Variants in FYN observed in about 807,000 individuals in gnomAD.
FYN encodes tyrosine-protein kinase Fyn.
FYN carries 10 observed loss-of-function variants against 70.2 expected under a neutral mutation model. The observed-to-expected ratio is 0.14, with a 90% CI of 0.09 to 0.24. The LOEUF is 0.24. Among genes scored for constraint, FYN ranks in the 10% least tolerant of loss-of-function variants. The probability of loss-of-function intolerance (pLI) is 1.00; values close to 1 mark genes in which losing one functional copy is unlikely to be tolerated. For missense variants in FYN, 319 were observed against 673.1 expected (o/e 0.47, Z 5.82); for synonymous variants, 236 against 248.6 (o/e 0.95, Z 0.48).
chr6:111,837,113 C>T (rs1583483122), intron 2 of FYN, among the ~76,000 whole-genome samples: 1 of 152,218 alleles, frequency 6.6e-6, no homozygotes. Flanking sequence ...TAGCACCTCA[C>T]TGCGGTCACC....
At chr6:111,723,959 G>T (rs1304039698) in intron 3 of FYN, among the ~76,000 whole-genome samples, 1 of 152,098 alleles carries the variant, frequency 6.6e-6, no homozygotes, top group Non-Finnish European at 1.5e-5. Flanking sequence ...AAGTTATCAT[G>T]CCTAGAAAAA....
chr6:111,682,390 T>A (rs1467132406), intron 12 of FYN, among the ~76,000 whole-genome samples: 1 of 152,182 alleles, frequency 6.6e-6, no homozygotes, highest in African/African-American at 2.4e-5. Flanking sequence ...CACATTCCAG[T>A]TAATGAAGTC....
At chr6:111,823,826 C>T (rs2114378840) in intron 2 of FYN, among the ~76,000 whole-genome samples, 1 of 152,242 alleles carries the variant, frequency 6.6e-6, no homozygotes, top group South Asian at 2.1e-4. Flanking sequence ...AACATTCTCA[C>T]AGAATATATA....
intron 2 of FYN, among the ~76,000 whole-genome samples, chr6:111,827,370 C>T (rs867565956): frequency 3.6e-4 from 55 of 152,158 alleles, no homozygotes; most frequent in African/African-American, 1.1e-3. Context: ...CATAGTTTTT[C>T]TCATCCTTAA....
chr6:111,714,291 A>G lies in FYN; in HGVS notation c.344+56T>C. ...CTGAAGAGATGCAGACCAGAAATGC[A>G]AGACCCCTTCCCAACCTGAAAGGTA... On this transcript the variant is annotated intron_variant, in intron 5 of 13. Transcript: ENST00000354650. The G allele has an allele frequency of 2.6e-6, 3 of 1,153,322 alleles. No individual in the cohort carries two copies. In the South Asian group the frequency reaches 3.7e-5, roughly 14 times the overall value. The allele number at this position is 1,153,322 out of a possible 1,614,324, so 71.4% of individuals were successfully genotyped here. A position where few individuals can be genotyped will look rare whatever the true frequency, so the allele number is the denominator to read the frequency against.
chr6:111,699,913 C>CTTTTTTT (rs71021861), intron 9 of FYN, 191 bp downstream of exon 9: 14 of 186,562 alleles, frequency 7.5e-5, no homozygotes, highest in East Asian at 1.3e-4. Flanking sequence ...CACTTACTAT[C>CTTTTTTT]TTTTTTTTTT....
chr6:111,837,868 G>A (rs1773238465), intron 2 of FYN, among the ~76,000 whole-genome samples: 1 of 152,166 alleles, frequency 6.6e-6, no homozygotes, highest in Non-Finnish European at 1.5e-5. Context: ...GCCTTATCTG[G>A]AGGGACTATG....
intron 3 of FYN, among the ~76,000 whole-genome samples, chr6:111,741,542 G>A (rs990640117): frequency 3.7e-4 from 56 of 151,874 alleles, no homozygotes; most frequent in African/African-American, 1.4e-3. Context: ...TGTTACTTTT[G>A]AAATAAAAAA....
chr6:111,817,790 A>G (rs528025150), intron 2 of FYN, among the ~76,000 whole-genome samples: 3 of 152,338 alleles, frequency 2.0e-5, no homozygotes, highest in African/African-American at 7.2e-5. Context: ...GGTTTCTGGT[A>G]ATTATTGTTT....
intron 3 of FYN, among the ~76,000 whole-genome samples, chr6:111,765,825 G>A (rs184721830): frequency 4.2e-4 from 63 of 151,542 alleles, no homozygotes; most frequent in African/African-American, 1.3e-3. Flanking sequence ...GACTCTAAGC[G>A]ACAGCAGGAA....
chr6:111,733,660 C>T (rs994574428), intron 3 of FYN, among the ~76,000 whole-genome samples: 4 of 152,248 alleles, frequency 2.6e-5, no homozygotes, highest in South Asian at 2.1e-4. Context: ...TGGTACAGAG[C>T]GTGTCACTCT....
At chr6:111,714,504 A>G in intron 4 of FYN, 61 bp from the exon 5 acceptor site, 1 of 1,168,868 alleles carries the variant, frequency 8.6e-7, no homozygotes. Context: ...AATTCCAAGA[A>G]ATTAAATCTT....
intron 2 of FYN, among the ~76,000 whole-genome samples, chr6:111,790,243 T>A (rs1771561999): frequency 9.0e-6 from 1 of 110,530 alleles, no homozygotes; most frequent in Non-Finnish European, 1.7e-5. Flanking sequence ...TTCTGAACCT[T>A]AGATACACAC....
chr6:111,711,296 C>G (rs879660785), intron 5 of FYN, among the ~76,000 whole-genome samples: 15 of 151,934 alleles, frequency 9.9e-5, no homozygotes, highest in Non-Finnish European at 1.9e-4. Context: ...AACAAACCTA[C>G]CCTCAGCTGT....
chr6:111,727,842 T>C (rs7746471), intron 3 of FYN, among the ~76,000 whole-genome samples: 18,491 of 152,232 alleles, frequency 0.12, 2,210 homozygotes, highest in African/African-American at 0.3. Context: ...AATATTTTTG[T>C]GGGTCCCCAT....
chr6:111,696,556 A>C (rs1799583856), intron 9 of FYN, 100 bp from the exon 10 acceptor site: 9 of 935,240 alleles, frequency 9.6e-6, no homozygotes, highest in Middle Eastern at 2.5e-4. Context: ...TTTTAAATTT[A>C]AAACACTTAA....
intron 2 of FYN, among the ~76,000 whole-genome samples, chr6:111,845,855 A>C (rs965239077): frequency 6.6e-5 from 10 of 152,162 alleles, no homozygotes; most frequent in Non-Finnish European, 1.3e-4. Flanking sequence ...GGAGGCAGAG[A>C]GACGTACAGG....
chr6:111,701,937 C>T (rs1454762696), intron 8 of FYN, among the ~76,000 whole-genome samples: 1 of 152,144 alleles, frequency 6.6e-6, no homozygotes, highest in African/African-American at 2.4e-5. Context: ...CGAAAGATTG[C>T]TTTTTCATGC....
intron 3 of FYN, among the ~76,000 whole-genome samples, chr6:111,726,960 T>C (rs1046471373): frequency 1.3e-5 from 2 of 152,220 alleles, no homozygotes; most frequent in African/African-American, 2.4e-5. Context: ...CTTTGCCTTC[T>C]GCCATAATTG....
Sources: allele counts gnomAD v4.1 joint callset (sites outside exome capture counted in the v4.1 genomes callset), GRCh38; gene constraint gnomAD v4.1.1; transcripts MANE v1.5; gene names NCBI Gene and HGNC (gene_info 2026-07-23, HGNC 2026-07-21).